Variants in GTF2I observed in about 807,000 individuals in gnomAD.
GTF2I encodes the protein general transcription factor II-I.
Under a neutral mutation model 67.6 loss-of-function variants are expected in GTF2I, and 12 were observed. The ratio of observed to expected loss-of-function variants is 0.18; its 90% CI spans 0.11 to 0.29. The LOEUF (loss-of-function observed/expected upper bound fraction) is 0.29, where lower values mean the gene tolerates loss of function less well. Ranked by LOEUF, GTF2I falls within the 10% of genes least tolerant of loss-of-function variation. The pLI is 1.00. For synonymous variants in GTF2I, 149 were observed against 197.0 expected (o/e 0.76, Z 2.04); for missense variants, 271 against 580.1 (o/e 0.47, Z 5.47).
intron 20 of GTF2I, 87 bp downstream of exon 20, chr7:74,743,607 GGT>G (rs1554408558): frequency 3.3e-6 from 2 of 610,840 alleles, no homozygotes; most frequent in Non-Finnish European, 3.1e-6. Context: ...GGACCAGCCG[GGT>G]GCAGTGGCTC....
intron 1 of GTF2I, among the ~76,000 whole-genome samples, chr7:74,663,442 T>G (rs1554387378): frequency 6.6e-6 from 1 of 152,100 alleles, no homozygotes; most frequent in Non-Finnish European, 1.5e-5. Context: ...TGTGCCACCA[T>G]GCCCAGCTAA....
chr7:74,722,450 A>T (rs1554404806), intron 12 of GTF2I, among the ~76,000 whole-genome samples: 1 of 152,140 alleles, frequency 6.6e-6, no homozygotes, highest in East Asian at 1.9e-4. Context: ...TTTCAGGTCT[A>T]GCTGTCATGG....
At chr7:74,672,449 A>C (rs1470837085) in intron 1 of GTF2I, among the ~76,000 whole-genome samples, 3 of 152,256 alleles carry the variant, frequency 2.0e-5, no homozygotes, top group Admixed American at 6.5e-5. Flanking sequence ...CTGAGGCAGC[A>C]GAATCACTTG....
intron 4 of GTF2I, 182 bp from the exon 5 acceptor site, chr7:74,700,065 T>A: frequency 1.7e-6 from 1 of 597,104 alleles, no homozygotes. Flanking sequence ...GCCCTTCGGA[T>A]CAGTTTCAGG....
intron 12 of GTF2I, among the ~76,000 whole-genome samples, chr7:74,722,169 G>A (rs1793094186): frequency 6.6e-6 from 1 of 152,162 alleles, no homozygotes; most frequent in South Asian, 2.1e-4. Context: ...ATTTGACACC[G>A]ACGCGGACGT....
rs869137920 is a variant in GTF2I, at chr7:74,671,079, C to CTTT, written c.-6+13034_-6+13036dup. Reference sequence around the variant, plus strand: ...TTGTGATCCACTGATTGGGCAGATCCTTTTTTTTTTTTTTTTTTTTTTTTT... The same window carrying CTTT: ...TTGTGATCCACTGATTGGGCAGATCCTTTTTTTTTTTTTTTTTTTTTTTTTTTT... On this transcript the variant is annotated intron_variant, in intron 1 of 34. Transcript: ENST00000573035. Among the ~76,000 whole-genome samples the CTTT allele has an allele frequency of 1.1e-3, 69 of 61,794 alleles. 1 individual carries two copies. Among genetic ancestry groups the CTTT allele is most frequent in the Middle Eastern group, 0.013 (1 of 80 alleles). 40.5% of individuals were successfully genotyped at this position (61,794 alleles called of 152,430 possible).
intron 3 of GTF2I, among the ~76,000 whole-genome samples, chr7:74,698,083 G>C (rs1432950496): frequency 1.3e-5 from 2 of 152,176 alleles, no homozygotes; most frequent in African/African-American, 4.8e-5. Flanking sequence ...AGCCTCCTGA[G>C]TAGCTGGGAC....
intron 1 of GTF2I, among the ~76,000 whole-genome samples, chr7:74,671,279 A>T (rs1554390583): frequency 6.6e-6 from 1 of 151,436 alleles, no homozygotes; most frequent in African/African-American, 2.4e-5. Context: ...TAGAGACAGA[A>T]TTTCACCATG....
At chr7:74,669,484 G>A (rs992229811) in intron 1 of GTF2I, among the ~76,000 whole-genome samples, 59 of 150,504 alleles carry the variant, frequency 3.9e-4, no homozygotes, top group African/African-American at 1.4e-3. Context: ...GCCCGCCTAG[G>A]CCTCCCAAAC....
intron 1 of GTF2I, among the ~76,000 whole-genome samples, chr7:74,662,511 C>CTGTTTTTT (rs1804603021): frequency 2.0e-5 from 1 of 50,220 alleles, no homozygotes; most frequent in African/African-American, 8.3e-5. Context: ...CACCTGGACC[C>CTGTTTTTT]TTTTTTTTTT....
At chr7:74,710,144 T>C (rs1685571734) in intron 8 of GTF2I, among the ~76,000 whole-genome samples, 1 of 152,194 alleles carries the variant, frequency 6.6e-6, no homozygotes, top group African/African-American at 2.4e-5. Context: ...TGCTTGTTGC[T>C]TCAGGGATGC....
chr7:74,688,028 C>G lies in GTF2I; in HGVS notation c.-5-1096C>G, dbSNP rs2718273. Among the ~76,000 whole-genome samples the G allele has an allele frequency of 5.6e-3, 859 of 152,188 alleles. 11 individuals are homozygous for G. The highest frequency in any genetic ancestry group is 0.019 in the African/African-American group (793 of 41,516). On this transcript the variant is annotated intron_variant, in intron 1 of 34. Coordinates refer to ENST00000573035, the MANE Select transcript of GTF2I (RefSeq NM_032999.4). ...AGAAATTTGCTTTAGATTTTGCCATCTTAGTATGTCTTTATATGGTGTATT... is the reference window on the plus strand; with the variant it reads ...AGAAATTTGCTTTAGATTTTGCCATGTTAGTATGTCTTTATATGGTGTATT...
intron 3 of GTF2I, among the ~76,000 whole-genome samples, chr7:74,693,898 T>C (rs1554397735): frequency 1.3e-5 from 2 of 151,822 alleles, no homozygotes; most frequent in African/African-American, 4.8e-5. Flanking sequence ...GGCCTCTGAG[T>C]GTTCAAGTGA....
chr7:74,723,854 G>GAA (rs1400817751), intron 12 of GTF2I, among the ~76,000 whole-genome samples: 1 of 139,054 alleles, frequency 7.2e-6, no homozygotes, highest in Non-Finnish European at 1.6e-5. Flanking sequence ...AGAAAAGGGG[G>GAA]AAAAAAAAAA....
chr7:74,696,356 G>A (rs1321196750), intron 3 of GTF2I, among the ~76,000 whole-genome samples: 2 of 148,356 alleles, frequency 1.3e-5, no homozygotes, highest in African/African-American at 5.0e-5. Flanking sequence ...TTTTGAGACA[G>A]AGTCTCACTA....
chr7:74,660,353 C>T (rs1246869696), intron 1 of GTF2I, among the ~76,000 whole-genome samples: 1 of 151,218 alleles, frequency 6.6e-6, no homozygotes, highest in Non-Finnish European at 1.5e-5. Context: ...CCCCAAGCCC[C>T]GCTAATATTT....
At chr7:74,663,970 T>C (rs1804742564) in intron 1 of GTF2I, among the ~76,000 whole-genome samples, 1 of 151,516 alleles carries the variant, frequency 6.6e-6, no homozygotes, top group African/African-American at 2.4e-5. Flanking sequence ...GCTGGGACTA[T>C]AGGCACCCGC....
At chr7:74,721,708 C>T (rs1213986012) in intron 12 of GTF2I, among the ~76,000 whole-genome samples, 1 of 152,040 alleles carries the variant, frequency 6.6e-6, no homozygotes, top group African/African-American at 2.4e-5. Flanking sequence ...GGAAAGATTA[C>T]TTCCAAATGG....
At chr7:74,678,051 GTCTC>G (rs1180507419) in intron 1 of GTF2I, among the ~76,000 whole-genome samples, 3 of 150,110 alleles carry the variant, frequency 2.0e-5, no homozygotes, top group East Asian at 3.9e-4. Context: ...ATTTCTGTCT[GTCTC>G]TCTCTCTCTC....
Sources: gnomAD v4.1 joint callset for allele counts (sites outside exome capture counted in the v4.1 genomes callset) on GRCh38, gnomAD v4.1.1 for gene constraint, MANE v1.5 for transcripts, NCBI Gene and HGNC (gene_info 2026-07-23, HGNC 2026-07-21) for gene names.